MUC17: variants seen among roughly 807,000 people sequenced by gnomAD.
MUC17 encodes mucin-17.
In MUC17, 190 loss-of-function variants were observed where a neutral mutation model predicts 170.3. The observed-to-expected ratio is 1.12, with a 90% CI of 0.99 to 1.26. The LOEUF (loss-of-function observed/expected upper bound fraction) is 1.26. MUC17 is among the 50% of genes most tolerant of loss of function. The pLI is 0.00. For synonymous variants in MUC17, 2,325 were observed against 2,002.5 expected, an observed-to-expected ratio of 1.16 and a Z score of -4.30; for missense variants, 6,415 against 5,530.0, an observed-to-expected ratio of 1.16 and a Z score of -5.08.
Position 101,047,989 on chromosome 7 carries a change from G to T in MUC17, c.12409G>T (p.Gly4137Ter). The change falls in exon 4 of 13, where the codon GGA becomes TGA. Residue 4137 changes from glycine to a stop codon, truncating the protein, a stop_gained. Coordinates refer to ENST00000306151, the MANE Select transcript of MUC17 (RefSeq NM_001040105.2). LOFTEE classifies it high-confidence loss of function. ...CTTCTGTGATTGTTCCACAGGCTTT[G>T]GAGATGGGTGCCAGAATACGGCCTC... is the stretch of plus-strand genomic sequence containing the variant. ...PTVPRTTTCF[G>*]DGCQNTASRC... 1 of 1,593,286 alleles carries T rather than the reference G, an allele frequency of 6.3e-7. No homozygotes were observed. Among genetic ancestry groups the T allele is most frequent in the Non-Finnish European group, 8.5e-7 (1 of 1,172,148 alleles).
At chr7:101,025,686 C>T (rs1220848557) in intron 1 of MUC17, among the ~76,000 whole-genome samples, 1 of 151,368 alleles carries the variant, frequency 6.6e-6, no homozygotes, top group Non-Finnish European at 1.5e-5. Flanking sequence ...CCCAGCTACT[C>T]AGGAGGCTGA....
chr7:101,047,786 G>A lies in MUC17; in HGVS notation c.12404-198G>A, dbSNP rs527408399. ...GTGGAGGTTGCAGTGAGCCAAGATC[G>A]CGCCATTGCACTCCAGCCTGGGTGA... On this transcript the variant is annotated intron_variant, in intron 3 of 12. Coordinates refer to ENST00000306151, the MANE Select transcript of MUC17 (RefSeq NM_001040105.2). Among the ~76,000 whole-genome samples the A allele has an allele frequency of 2.4e-4, 36 of 152,188 alleles. No individual in the cohort carries two copies. The East Asian group carries it at 5.2e-3, about 22-fold the overall frequency.
At chr7:101,049,177 C>A in intron 5 of MUC17, 147 bp from the exon 6 acceptor site, 2 of 1,381,662 alleles carry the variant, frequency 1.4e-6, no homozygotes, top group Non-Finnish European at 2.0e-6. Flanking sequence ...TGGGGTGGAG[C>A]AGGTCTCTGG....
intron 12 of MUC17, among the ~76,000 whole-genome samples, chr7:101,057,399 G>C (rs2116488975): frequency 6.6e-6 from 1 of 152,306 alleles, no homozygotes; most frequent in African/African-American, 2.4e-5. Flanking sequence ...GCGGGGAGGG[G>C]AAGGCACAAT....
intron 1 of MUC17, among the ~76,000 whole-genome samples, chr7:101,024,600 C>A (rs942448105): frequency 2.6e-5 from 4 of 152,174 alleles, no homozygotes; most frequent in African/African-American, 9.6e-5. Flanking sequence ...ATTGCCCTAA[C>A]CTTCTGAGAT....
chr7:101,056,599 A>T (rs1795049782), intron 12 of MUC17, among the ~76,000 whole-genome samples: 1 of 152,238 alleles, frequency 6.6e-6, no homozygotes, highest in Non-Finnish European at 1.5e-5. Context: ...AGTGCAGTAA[A>T]TACTTACATA....
In MUC17 at chr7:101,040,433, C is replaced by A. The variant is rs763406652; in HGVS notation, c.9017C>A (p.Thr3006Asn). ...TMPVASSEAS[T>N]LSRTPADTST... ...CCGGTGGCCAGTTCTGAGGCTAGCA[C>A]CCTTTCAAGAACTCCTGCTGACACC... The change falls in exon 3 of 13, where the codon ACC becomes AAC. Residue 3006 changes from threonine (T) to asparagine (N), a missense_variant. Coordinates refer to ENST00000306151, the MANE Select transcript of MUC17 (RefSeq NM_001040105.2). The A allele has an allele frequency of 6.2e-7, 1 of 1,611,542 alleles. No individual in the cohort carries two copies. The highest frequency in any genetic ancestry group is 1.7e-5 in the Admixed American group (1 of 59,488).
intron 9 of MUC17, among the ~76,000 whole-genome samples, chr7:101,052,474 T>C (rs1476765093): frequency 6.6e-6 from 1 of 151,994 alleles, no homozygotes; most frequent in Non-Finnish European, 1.5e-5. Context: ...CCTGAGTAGT[T>C]AATTTGGGAA....
intron 1 of MUC17, among the ~76,000 whole-genome samples, chr7:101,023,702 G>A (rs1480288784): frequency 6.6e-6 from 1 of 152,178 alleles, no homozygotes; most frequent in Non-Finnish European, 1.5e-5. Flanking sequence ...CACTGCCCCT[G>A]GCTGATACAG....
rs756695657 is a variant in MUC17 at position 101,035,125 on chromosome 7, A to G, written c.3709A>G (p.Ser1237Gly). 1 of 1,611,000 alleles carries G rather than the reference A, an allele frequency of 6.2e-7. No individual in the cohort carries two copies. The highest frequency in any genetic ancestry group is 8.5e-7 in the Non-Finnish European group (1 of 1,178,608). The stretch of plus-strand genomic sequence containing the variant: ...CACGCCAGTGGCCAGTTCTGAGGCT[A>G]GCACCCTTTCAACATCTCCCGTTGA... ...RHTPVASSEA[S>G]TLSTSPVDTS... is the part of the protein sequence containing the mutation. The change falls in exon 3 of 13, where the codon AGC becomes GGC. Residue 1237 changes from serine to glycine, a missense_variant. Physicochemically the swap from Ser to Gly is moderately conservative, Grantham distance 56. Transcript: ENST00000306151.
chr7:101,053,558 A>G (rs1794993455), intron 11 of MUC17, 122 bp downstream of exon 11: 1 of 677,278 alleles, frequency 1.5e-6, no homozygotes, highest in East Asian at 2.7e-5. Context: ...ACTTGAGGCC[A>G]GGAGCTCAAG....
At chr7:101,025,160 T>C (rs1186034895) in intron 1 of MUC17, among the ~76,000 whole-genome samples, 4 of 150,506 alleles carry the variant, frequency 2.7e-5, no homozygotes, top group African/African-American at 7.4e-5. Context: ...AGCCCAGAAG[T>C]TTGAGACCAG....
rs1347168239 is a variant in MUC17, at chr7:101,037,355, A to G, written c.5939A>G (p.Tyr1980Cys). 1.2e-6 allele frequency: 2 copies of G among 1,613,654 alleles called. No homozygotes were observed. Among genetic ancestry groups the G allele is most frequent in the African/African-American group, 1.3e-5 (1 of 74,908 alleles). The change falls in exon 3 of 13, where the codon TAT becomes TGT. Residue 1980 changes from tyrosine to cysteine, a missense_variant. Tyr to Cys is a radical substitution (Grantham distance 194, BLOSUM62 -2). Transcript: ENST00000306151. ...GGTACCAGCATGCCAACCCCAGCTT[A>G]TAGTGAAGGAAGCACTCCACTAACA... ...ADGTSMPTPA[Y>C]SEGSTPLTSM...
intron 3 of MUC17, among the ~76,000 whole-genome samples, chr7:101,044,754 G>C (rs528738937): frequency 3.9e-5 from 6 of 152,224 alleles, no homozygotes; most frequent in African/African-American, 1.4e-4. Context: ...AAACTTTCTA[G>C]TGGATTTTCT....
In MUC17 at chr7:101,031,586, T is replaced by C; in HGVS notation, c.185-15T>C. The C allele has an allele frequency of 6.6e-7, 1 of 1,515,630 alleles. No individual in the cohort carries two copies. Among genetic ancestry groups the C allele is most frequent in the Non-Finnish European group, 8.8e-7 (1 of 1,133,760 alleles). The allele number at this position is 1,515,630 out of a possible 1,614,324, so 93.9% of individuals were successfully genotyped here. On this transcript the variant is annotated splice_polypyrimidine_tract_variant and intron_variant, in intron 2 of 12. Transcript: ENST00000306151. ...TAAGAAACTTCTAAACAAAATATCA[T>C]TGTATCTTAAACAGGTTCTGCGGCA...
chr7:101,020,449 T>TCAG, intron 1 of MUC17, among the ~76,000 whole-genome samples: 1 of 152,120 alleles, frequency 6.6e-6, no homozygotes, highest in Admixed American at 6.5e-5. Flanking sequence ...GAGCCTTAGT[T>TCAG]TCCCCTTCCG....
Position 101,037,370 on chromosome 7 carries a change from C to G in MUC17, c.5954C>G (p.Thr1985Ser), listed in dbSNP as rs1221136131. Residue 1985 changes from threonine to serine, a missense_variant, in exon 3 of 13, where the codon ACT becomes AGT. By Grantham distance (58) the Thr-to-Ser change is moderately conservative. Transcript: ENST00000306151. ...MPTPAYSEGS[T>S]PLTSMPLSTT... ...ACCCCAGCTTATAGTGAAGGAAGCA[C>G]TCCACTAACAAGTATGCCTCTCAGC... The G allele has an allele frequency of 6.8e-6, 11 of 1,614,098 alleles. No individual in the cohort carries two copies. The highest frequency in any genetic ancestry group is 8.5e-6 in the Non-Finnish European group (10 of 1,179,984).
chr7:101,041,891 C>T lies in MUC17; in HGVS notation c.10475C>T (p.Ser3492Phe), dbSNP rs767059066. ...PVDTSTPVTT[S>F]SPTNSSPTTA... ...GACACCAGCACACCTGTGACCACTT[C>T]TTCTCCAACCAATTCATCTCCTACA... Residue 3492 changes from serine (S) to phenylalanine (F), a missense_variant, in exon 3 of 13, where the codon TCT (serine) becomes TTT (phenylalanine). Physicochemically the swap from Ser to Phe is radical, Grantham distance 155 (BLOSUM62 -2). Transcript: ENST00000306151. The T allele has an allele frequency of 1.2e-6, 2 of 1,614,062 alleles. No homozygotes were observed. The highest frequency in any genetic ancestry group is 1.7e-6 in the Non-Finnish European group (2 of 1,180,004).
chr7:101,057,469 G>A (rs1023612273), intron 12 of MUC17, among the ~76,000 whole-genome samples: 1 of 152,194 alleles, frequency 6.6e-6, no homozygotes, highest in African/African-American at 2.4e-5. Flanking sequence ...TAGGCCAGGT[G>A]CGGTGGCTCA....
Sources: gnomAD v4.1 joint callset for allele counts (sites outside exome capture counted in the v4.1 genomes callset) on GRCh38, gnomAD v4.1.1 for gene constraint, MANE v1.5 for transcripts, NCBI Gene and HGNC (gene_info 2026-07-23, HGNC 2026-07-21) for gene names.